MGAT4C: variants seen among roughly 807,000 people sequenced by gnomAD.
MGAT4C encodes alpha-1,3-mannosyl-glycoprotein 4-beta-N-acetylglucosaminyltransferase C.
A neutral mutation model predicts 40.1 loss-of-function variants in MGAT4C; 19 were observed. The observed-to-expected ratio is 0.47, with a 90% CI of 0.33 to 0.70. MGAT4C has a LOEUF of 0.70. MGAT4C is among the 30% of genes least tolerant of loss of function. The probability of loss-of-function intolerance (pLI) is 0.02; values close to 1 mark genes in which losing one functional copy is unlikely to be tolerated. For missense variants in MGAT4C, 491 were observed against 563.2 expected, an observed-to-expected ratio of 0.87 and a Z score of 1.30; for synonymous variants, 181 against 187.1, an observed-to-expected ratio of 0.97 and a Z score of 0.27.
intron 1 of MGAT4C, among the ~76,000 whole-genome samples, chr12:86,109,308 C>T (rs1024946892): frequency 2.6e-5 from 4 of 151,920 alleles, no homozygotes; most frequent in African/African-American, 7.3e-5. Flanking sequence ...TGATATATAG[C>T]GTGGTATTGT....
chr12:86,620,249 C>A (rs947480499), intron 2 of MGAT4C, among the ~76,000 whole-genome samples: 6 of 151,984 alleles, frequency 3.9e-5, no homozygotes, highest in African/African-American at 1.4e-4. Context: ...ATTAAAAATA[C>A]ACCTGTGCTA....
chr12:86,563,654 T>C (rs1235411531), intron 2 of MGAT4C, among the ~76,000 whole-genome samples: 2 of 152,184 alleles, frequency 1.3e-5, no homozygotes, highest in Non-Finnish European at 2.9e-5. Flanking sequence ...CCTCTGGTCT[T>C]TTACCAGGGT....
chr12:86,196,114 T>G (rs967951045), intron 1 of MGAT4C, among the ~76,000 whole-genome samples: 6 of 152,198 alleles, frequency 3.9e-5, no homozygotes, highest in African/African-American at 7.2e-5. Context: ...AAGTCCAAGA[T>G]TAAGGTGCCA....
At chr12:86,713,628 A>G (rs1950596654) in intron 2 of MGAT4C, among the ~76,000 whole-genome samples, 1 of 152,142 alleles carries the variant, frequency 6.6e-6, no homozygotes, top group Non-Finnish European at 1.5e-5. Flanking sequence ...ATGCAAAAAC[A>G]TTAGCTAAAC....
At chr12:86,005,774 T>C (rs1887812771) in intron 2 of MGAT4C, among the ~76,000 whole-genome samples, 1 of 152,212 alleles carries the variant, frequency 6.6e-6, no homozygotes, top group South Asian at 2.1e-4. Flanking sequence ...AAGACCTATG[T>C]GGTCAATTAC....
At chr12:86,661,087 G>C (rs1054914755) in intron 2 of MGAT4C, among the ~76,000 whole-genome samples, 1 of 152,060 alleles carries the variant, frequency 6.6e-6, no homozygotes, top group Admixed American at 6.6e-5. Context: ...AAAAGTTTAT[G>C]GGTAAGAAGA....
intron 4 of MGAT4C, among the ~76,000 whole-genome samples, chr12:85,981,821 G>C (rs149184353): frequency 5.1e-4 from 78 of 152,222 alleles, no homozygotes; most frequent in African/African-American, 1.9e-3. Flanking sequence ...TATCCTCTGT[G>C]TTACATTGCC....
intron 3 of MGAT4C, among the ~76,000 whole-genome samples, chr12:86,371,743 T>G (rs1955718328): frequency 1.3e-5 from 2 of 152,054 alleles, no homozygotes; most frequent in South Asian, 4.1e-4. Flanking sequence ...ATGCATTTTA[T>G]TTATCTTTGA....
At chr12:86,303,651 A>G (rs559670308) in intron 4 of MGAT4C, among the ~76,000 whole-genome samples, 6 of 150,488 alleles carry the variant, frequency 4.0e-5, no homozygotes, top group African/African-American at 1.5e-4. Context: ...ACCTTAAATA[A>G]TTCTGGCTCT....
chr12:86,187,547 T>C (rs1295419432), intron 1 of MGAT4C, among the ~76,000 whole-genome samples: 5 of 148,112 alleles, frequency 3.4e-5, no homozygotes, highest in African/African-American at 4.9e-5. Context: ...TTTTCTAGAA[T>C]GTCACATAAT....
chr12:86,048,090 A>G (rs1362399948), intron 2 of MGAT4C, among the ~76,000 whole-genome samples: 2 of 152,154 alleles, frequency 1.3e-5, no homozygotes, highest in Non-Finnish European at 2.9e-5. Context: ...TAAAAGACTC[A>G]AACAGAATTT....
chr12:86,485,771 AATC>A (rs1174111777), intron 2 of MGAT4C, among the ~76,000 whole-genome samples: 1 of 152,136 alleles, frequency 6.6e-6, no homozygotes, highest in Non-Finnish European at 1.5e-5. Context: ...CAAGACACAT[AATC>A]ATCATATTCA....
At chr12:86,425,428 A>G (rs944423295) in intron 3 of MGAT4C, among the ~76,000 whole-genome samples, 7 of 152,080 alleles carry the variant, frequency 4.6e-5, no homozygotes, top group Admixed American at 3.3e-4. Flanking sequence ...TCTCCTGCCA[A>G]CATGTAAGAT....
chr12:86,705,793 G>T (rs191815955), intron 2 of MGAT4C, among the ~76,000 whole-genome samples: 1 of 152,052 alleles, frequency 6.6e-6, no homozygotes, highest in African/African-American at 2.4e-5. Context: ...AATGGGGATC[G>T]GGAGTTTTTA....
At chr12:86,606,139 AC>A (rs535476341) in intron 2 of MGAT4C, among the ~76,000 whole-genome samples, 1 of 151,912 alleles carries the variant, frequency 6.6e-6, no homozygotes, top group Non-Finnish European at 1.5e-5. Flanking sequence ...GGGGGAAACC[AC>A]CCCCATGATT....
intron 2 of MGAT4C, among the ~76,000 whole-genome samples, chr12:86,456,808 A>AT (rs1957517784): frequency 6.6e-6 from 1 of 152,164 alleles, no homozygotes. Flanking sequence ...GATGCATGAC[A>AT]TAAAACTTAT....
intron 4 of MGAT4C, among the ~76,000 whole-genome samples, chr12:85,980,840 G>C (rs1884507461): frequency 6.6e-6 from 1 of 151,926 alleles, no homozygotes; most frequent in South Asian, 2.1e-4. Flanking sequence ...TTTCTCTTTT[G>C]CAAAAAGAGA....
intron 2 of MGAT4C, among the ~76,000 whole-genome samples, chr12:86,633,332 T>G (rs986686417): frequency 6.6e-6 from 1 of 152,086 alleles, no homozygotes; most frequent in Non-Finnish European, 1.5e-5. Flanking sequence ...TTACTATCAT[T>G]TTTGTCATTT....
intron 2 of MGAT4C, among the ~76,000 whole-genome samples, chr12:86,475,314 T>C (rs935281050): frequency 1.3e-5 from 2 of 151,968 alleles, no homozygotes; most frequent in Non-Finnish European, 2.9e-5. Context: ...CCAAATAGAA[T>C]TTGGTTGCGA....
Sources: allele counts gnomAD v4.1 joint callset (sites outside exome capture counted in the v4.1 genomes callset), GRCh38; gene constraint gnomAD v4.1.1; transcripts MANE v1.5; gene names NCBI Gene and HGNC (gene_info 2026-07-23, HGNC 2026-07-21).